The following FBXO46 variants were observed in gnomAD, a reference collection of about 807,000 sequenced individuals.
FBXO46 encodes the protein F-box protein 46, also known as F-box only protein 46.
In FBXO46, 13 loss-of-function variants were observed where a neutral mutation model predicts 30.7. That is an observed-to-expected ratio of 0.42 (90% CI 0.28 to 0.67). The LOEUF is 0.67. FBXO46 is among the 30% of genes least tolerant of loss of function. The pLI is 0.21. For missense variants in FBXO46, 754 were observed against 871.5 expected (o/e 0.87, Z 1.70); for synonymous variants, 467 against 385.8 (o/e 1.21, Z -2.47).
At chr19:45,725,332 G>A (rs1055280727) in intron 1 of FBXO46, among the ~76,000 whole-genome samples, 15 of 150,906 alleles carry the variant, frequency 9.9e-5, no homozygotes, top group Admixed American at 2.0e-4. Flanking sequence ...AGAGGATGGC[G>A]TAAGATCAGG....
chr19:45,730,250 T>C (rs1427455804), intron 1 of FBXO46, among the ~76,000 whole-genome samples: 1 of 152,144 alleles, frequency 6.6e-6, no homozygotes, highest in Non-Finnish European at 1.5e-5. Context: ...CCTACAGTTC[T>C]GTGCCTGTCC....
chr19:45,725,521 C>T (rs1968226176), intron 1 of FBXO46, among the ~76,000 whole-genome samples: 1 of 152,050 alleles, frequency 6.6e-6, no homozygotes, highest in African/African-American at 2.4e-5. Context: ...GCTTGAGTCT[C>T]ATTGTTCAGG....
At position 45,713,680 on chromosome 19, in the gene FBXO46, A is replaced by G; in HGVS notation, c.-78-107T>C. ...ACCAAACCAGACCATCAAGAACTCT[A>G]TTCCTGGCTGGGCGCGGTGGCTCAC... is the stretch of plus-strand genomic sequence containing the variant. On this transcript the variant is annotated intron_variant, in intron 1 of 1. Coordinates refer to ENST00000317683, the MANE Select transcript of FBXO46 (RefSeq NM_001080469.2). The surrounding 1 kb of genome is among the most constrained non-coding windows in gnomAD (Gnocchi z 4.7). 1.9e-6 allele frequency: 1 copy of G among 528,676 alleles called. No individual in the cohort carries two copies. Among genetic ancestry groups the G allele is most frequent in the Non-Finnish European group, 3.4e-6 (1 of 297,232 alleles). The allele number at this position is 528,676 out of a possible 1,614,324, so 32.7% of individuals were successfully genotyped here.
intron 1 of FBXO46, among the ~76,000 whole-genome samples, chr19:45,720,731 T>TAC (rs1486836320): frequency 1.3e-5 from 2 of 152,178 alleles, no homozygotes; most frequent in Admixed American, 1.3e-4. Context: ...GTGCTGGGAC[T>TAC]ACAGGCAGGA....
At chr19:45,730,140 CT>C (rs1298202272) in intron 1 of FBXO46, among the ~76,000 whole-genome samples, 2 of 152,060 alleles carry the variant, frequency 1.3e-5, no homozygotes, top group Non-Finnish European at 2.9e-5. Context: ...GATATGAATG[CT>C]GTACTTCTCA....
At chr19:45,730,533 G>C (rs370614569) in intron 1 of FBXO46, among the ~76,000 whole-genome samples, 4 of 151,892 alleles carry the variant, frequency 2.6e-5, no homozygotes, top group African/African-American at 9.7e-5. Context: ...CGCAGGTTAA[G>C]CCCCCATCGA....
At chr19:45,726,552 G>A (rs1968242984) in intron 1 of FBXO46, among the ~76,000 whole-genome samples, 1 of 152,022 alleles carries the variant, frequency 6.6e-6, no homozygotes, top group African/African-American at 2.4e-5. Context: ...GGAGGCTGAG[G>A]CAGGAGAATT....
upstream of FBXO46, among the ~76,000 whole-genome samples, chr19:45,731,205 G>T (rs1206627384): frequency 1.3e-5 from 2 of 152,202 alleles, no homozygotes; most frequent in African/African-American, 4.8e-5. Flanking sequence ...ATAGGGTGTT[G>T]GTGAGGGGTG....
At chr19:45,731,089 C>G (rs1298370321), upstream of FBXO46, among the ~76,000 whole-genome samples, 2 of 152,190 alleles carry the variant, frequency 1.3e-5, no homozygotes, top group Non-Finnish European at 2.9e-5. Flanking sequence ...GACTTGGCAG[C>G]GCAAGCGCAG....
At chr19:45,722,928 C>T (rs1474257176) in intron 1 of FBXO46, among the ~76,000 whole-genome samples, 2 of 152,036 alleles carry the variant, frequency 1.3e-5, no homozygotes, top group African/African-American at 4.8e-5. Flanking sequence ...GTGACAGGCG[C>T]CTATAATCCC....
At chr19:45,716,799 A>G (rs1453451217) in intron 1 of FBXO46, 1 of 152,198 alleles carries the variant, frequency 6.6e-6, no homozygotes, top group Non-Finnish European at 1.5e-5. Flanking sequence ...TGCGCTAACA[A>G]TTCCTAATCC....
intron 1 of FBXO46, chr19:45,714,836 G>A (rs1427346034): frequency 6.6e-6 from 1 of 152,118 alleles, no homozygotes; most frequent in Non-Finnish European, 1.5e-5. Flanking sequence ...GGAGGCTGCA[G>A]TGAGCTGTGA....
intron 1 of FBXO46, among the ~76,000 whole-genome samples, chr19:45,724,170 C>T (rs545790066): frequency 4.0e-4 from 61 of 152,058 alleles, no homozygotes; most frequent in Admixed American, 1.5e-3. Flanking sequence ...ATGAAGGCAA[C>T]GGAAAACAAA....
In FBXO46 at chr19:45,711,699, C is replaced by A; in HGVS notation, c.1797G>T (p.Arg599=). 6.5e-7 allele frequency: 1 copy of A among 1,531,218 alleles called. No individual in the cohort carries two copies. The highest frequency in any genetic ancestry group is 8.8e-7 in the Non-Finnish European group (1 of 1,142,536). The allele number at this position is 1,531,218 out of a possible 1,614,324, so 94.9% of individuals were successfully genotyped here. A position where few individuals can be genotyped will look rare whatever the true frequency, so the allele number is the denominator to read the frequency against. Residue 599 remains arginine (R), a synonymous_variant, in exon 2 of 2, where the codon CGG becomes CGT. Coordinates refer to ENST00000317683, the MANE Select transcript of FBXO46 (RefSeq NM_001080469.2). ...CNGPGGGRAG[R]EEGR ...TCCCCCGGCTTCACCTCCCCTCCTC[C>A]CGGCCGGCCCGGCCCCCGCCTGGCC...
rs1170453807 is a variant in FBXO46 at position 45,713,226 on chromosome 19, A to G, written c.270T>C (p.Tyr90=). The G allele has an allele frequency of 1.2e-6, 2 of 1,613,942 alleles. No individual in the cohort carries two copies. Among genetic ancestry groups the G allele is most frequent in the Admixed American group, 3.3e-5 (2 of 60,022 alleles). The change falls in exon 2 of 2, where the codon TAT becomes TAC. Residue 90 remains tyrosine (Y), a synonymous_variant. Transcript: ENST00000317683. This position sits in a 1 kb window ranked among gnomAD's most constrained non-coding sequence, Gnocchi z 4.7. ...DEGRVLLDTW[Y]VIKPGNTKEK... ...CCTTTGTATTCCCGGGCTTGATGAC[A>G]TACCACGTGTCCAGGAGGACTCGAC... is the stretch of plus-strand genomic sequence containing the variant.
chr19:45,721,516 G>C (rs1412980479), intron 1 of FBXO46, among the ~76,000 whole-genome samples: 1 of 149,886 alleles, frequency 6.7e-6, no homozygotes, highest in East Asian at 2.0e-4. Flanking sequence ...ATGGGAATTG[G>C]TGGCAGGACA....
chr19:45,719,941 A>T (rs1451736312), intron 1 of FBXO46, among the ~76,000 whole-genome samples: 1 of 152,234 alleles, frequency 6.6e-6, no homozygotes, highest in Non-Finnish European at 1.5e-5. Flanking sequence ...ACTGAGGCAG[A>T]GAATGGCTAA....
chr19:45,726,867 T>C (rs1968246432), intron 1 of FBXO46, among the ~76,000 whole-genome samples: 1 of 152,140 alleles, frequency 6.6e-6, no homozygotes, highest in African/African-American at 2.4e-5. Flanking sequence ...GAGAGCATAA[T>C]ACACCCCAGG....
In FBXO46 at chr19:45,710,705, G is replaced by A. The variant is rs1204754086; in HGVS notation, c.*979C>T. Reference sequence around the variant, plus strand: ...ACACGCTAGAAGCTTCCAGAACCACGATGGAAAGAAAAAAAAGAAAACAAA... The same window carrying A: ...ACACGCTAGAAGCTTCCAGAACCACAATGGAAAGAAAAAAAAGAAAACAAA... On this transcript the variant is annotated 3_prime_UTR_variant, in exon 2 of 2. Coordinates refer to ENST00000317683, the MANE Select transcript of FBXO46 (RefSeq NM_001080469.2). 1 of 152,074 alleles carries A rather than the reference G, an allele frequency of 6.6e-6. No individual in the cohort carries two copies. The highest frequency in any genetic ancestry group is 1.9e-4 in the East Asian group (1 of 5,192). The allele number at this position is 152,074 out of a possible 1,614,324, so 9.4% of individuals were successfully genotyped here.
Sources: allele counts gnomAD v4.1 joint callset (sites outside exome capture counted in the v4.1 genomes callset), GRCh38; gene constraint gnomAD v4.1.1; non-coding constraint Gnocchi (gnomAD v3.1); transcripts MANE v1.5; gene names NCBI Gene and HGNC (gene_info 2026-07-23, HGNC 2026-07-21).